Variants in ACBD6 observed in about 807,000 individuals in gnomAD.
The protein encoded by ACBD6 is acyl-CoA binding domain containing 6.
ACBD6 carries 28 observed loss-of-function variants against 37.2 expected under a neutral mutation model. The observed-to-expected ratio is 0.75, with a 90% CI of 0.56 to 1.03. The LOEUF is 1.03. ACBD6 is among the 50% of genes least tolerant of loss of function. ACBD6 has a pLI of 0.00. For synonymous variants in ACBD6, 113 were observed against 126.8 expected (o/e 0.89, Z 0.73); for missense variants, 340 against 337.4 (o/e 1.01, Z -0.06).
chr1:180,271,631 C>A lies in ACBD6; in HGVS notation c.*1594G>T. On this transcript the variant is annotated 3_prime_UTR_variant, in exon 14 of 14. Coordinates refer to the ACBD6 transcript ENST00000642319. ...ACATCAGCTCACGGGTGGTTGGGCTCAGGGCTTGACCCCAGGGCTTTTGCC... is the reference window on the plus strand; with the variant it reads ...ACATCAGCTCACGGGTGGTTGGGCTAAGGGCTTGACCCCAGGGCTTTTGCC... 1.3e-5 allele frequency: 19 copies of A among 1,491,018 alleles called. No homozygotes were observed. In the South Asian group the frequency reaches 2.2e-4, roughly 17 times the overall value. 92.4% of individuals were successfully genotyped at this position (1,491,018 alleles called of 1,614,324 possible).
intron 6 of ACBD6, among the ~76,000 whole-genome samples, chr1:180,355,591 G>C (rs566839747): frequency 4.6e-5 from 7 of 152,176 alleles, no homozygotes; most frequent in Admixed American, 1.3e-4. Flanking sequence ...CTTTCATCAA[G>C]TGAGGTTGAT....
At chr1:180,392,852 T>C (rs895731055) in intron 6 of ACBD6, among the ~76,000 whole-genome samples, 2 of 152,090 alleles carry the variant, frequency 1.3e-5, no homozygotes, top group Admixed American at 6.6e-5. Context: ...CGTAAGCTTA[T>C]ACAATTTATA....
intron 3 of ACBD6, chr1:180,435,862 G>A (rs1261371486): frequency 1.4e-5 from 19 of 1,325,150 alleles, no homozygotes; most frequent in Non-Finnish European, 1.8e-5. Context: ...GTATCAAATT[G>A]ACACTGTCAG....
At chr1:180,318,694 A>G (rs1483751732) in intron 6 of ACBD6, among the ~76,000 whole-genome samples, 1 of 152,204 alleles carries the variant, frequency 6.6e-6, no homozygotes, top group Non-Finnish European at 1.5e-5. Flanking sequence ...GACTTGGAGC[A>G]CAGGCTAAGA....
chr1:180,293,038 T>C (rs1263330625), intron 7 of ACBD6, among the ~76,000 whole-genome samples: 2 of 152,210 alleles, frequency 1.3e-5, no homozygotes, highest in African/African-American at 4.8e-5. Context: ...TGGTTCTCAA[T>C]TGCCAAACAA....
At position 180,345,354 on chromosome 1, in the gene ACBD6, A is replaced by G. The variant is rs566833679; in HGVS notation, c.664-30632T>C. ...AAAATTTACATAGTCTGTTAGGCCC[A>G]CAAAACAGTTCCTCCTCTACAGAAG... On this transcript the variant is annotated intron_variant, in intron 6 of 7. Coordinates refer to ENST00000367595, the MANE Select transcript of ACBD6 (RefSeq NM_032360.4). Among the ~76,000 whole-genome samples the G allele has an allele frequency of 1.4e-4, 22 of 152,308 alleles. No homozygotes were observed. In the East Asian group the frequency reaches 4.2e-3, roughly 29 times the overall value.
intron 3 of ACBD6, among the ~76,000 whole-genome samples, chr1:180,446,998 C>A (rs1043687472): frequency 6.6e-6 from 1 of 152,112 alleles, no homozygotes; most frequent in South Asian, 2.1e-4. Context: ...CTGAGATAAC[C>A]CCCGACAGTC....
chr1:180,403,644 T>G (rs77476213), intron 5 of ACBD6, among the ~76,000 whole-genome samples: 3,906 of 152,286 alleles, frequency 0.026, 175 homozygotes, highest in African/African-American at 0.088. Context: ...CAGAGCATAA[T>G]TCACAACAGT....
intron 3 of ACBD6, among the ~76,000 whole-genome samples, chr1:180,484,076 TC>T (rs2102074949): frequency 6.6e-6 from 1 of 152,324 alleles, no homozygotes; most frequent in African/African-American, 2.4e-5. Flanking sequence ...AGTTTGGTGG[TC>T]CTGCTTTACA....
chr1:180,270,916 G>A (rs1302230409), exon 14 of ACBD6: 1 of 249,512 alleles, frequency 4.0e-6, no homozygotes, highest in African/African-American at 2.2e-5. Context: ...CAGGGCAAAG[G>A]TGACATGGCT....
intron 2 of ACBD6, among the ~76,000 whole-genome samples, chr1:180,493,882 T>C (rs1441969950): frequency 6.6e-6 from 1 of 152,254 alleles, no homozygotes; most frequent in African/African-American, 2.4e-5. Flanking sequence ...ATTTGTCTAA[T>C]TGTTTCCTTA....
exon 14 of ACBD6, chr1:180,271,803 C>G (rs1377002947): frequency 6.2e-7 from 1 of 1,613,000 alleles, no homozygotes; most frequent in Non-Finnish European, 8.5e-7. Flanking sequence ...GGTGGACGCC[C>G]CCTGAGTATG....
rs1648485758 is a variant in ACBD6 at position 180,424,077 on chromosome 1, ACAACTAT to A, written c.467+6096_467+6102del. 1.3e-5 allele frequency among the ~76,000 whole-genome samples: 2 copies of A among 152,202 alleles called. 1 individual carries two copies. Among genetic ancestry groups the A allele is most frequent in the Non-Finnish European group, 2.9e-5 (2 of 68,012 alleles). ...AAGATACTCACCATATTAAATAGTA[ACAACTAT>A]CAGACTCAATTTCATTAACTAGAGA... On this transcript the variant is annotated intron_variant, in intron 4 of 7. Transcript: ENST00000367595.
chr1:180,376,526 T>C (rs1413505401), intron 6 of ACBD6, among the ~76,000 whole-genome samples: 2 of 152,142 alleles, frequency 1.3e-5, no homozygotes, highest in African/African-American at 2.4e-5. Context: ...TGAAGTGATA[T>C]GGAGTAACTC....
chr1:180,415,690 C>G (rs1055908353), intron 4 of ACBD6, among the ~76,000 whole-genome samples: 6 of 152,128 alleles, frequency 3.9e-5, no homozygotes, highest in Non-Finnish European at 8.8e-5. Flanking sequence ...TTACGCATAC[C>G]CAGTATATGT....
intron 6 of ACBD6, among the ~76,000 whole-genome samples, chr1:180,332,884 T>A (rs984093083): frequency 6.6e-6 from 1 of 152,174 alleles, no homozygotes; most frequent in Non-Finnish European, 1.5e-5. Flanking sequence ...TAAGCCAGAT[T>A]ATGTCATACC....
chr1:180,301,592 A>G (rs993706630), intron 7 of ACBD6, among the ~76,000 whole-genome samples: 1 of 152,196 alleles, frequency 6.6e-6, no homozygotes, highest in African/African-American at 2.4e-5. Flanking sequence ...TATGGTACAT[A>G]TCAAGCAACT....
chr1:180,445,014 C>T (rs536607783), intron 3 of ACBD6, among the ~76,000 whole-genome samples: 2 of 152,220 alleles, frequency 1.3e-5, no homozygotes, highest in Admixed American at 6.5e-5. Flanking sequence ...TTGTTTAATT[C>T]ATTTATAGTC....
intron 7 of ACBD6, among the ~76,000 whole-genome samples, chr1:180,292,193 A>C (rs1473759651): frequency 1.3e-5 from 2 of 152,164 alleles, no homozygotes; most frequent in Non-Finnish European, 2.9e-5. Flanking sequence ...GAATCAACTT[A>C]TAAGTTTTTA....
Sources: allele counts gnomAD v4.1 joint callset (sites outside exome capture counted in the v4.1 genomes callset), GRCh38; gene constraint gnomAD v4.1.1; transcripts MANE v1.5; gene names NCBI Gene and HGNC (gene_info 2026-07-23, HGNC 2026-07-21).